Variants in SPTBN1 observed in about 807,000 individuals in gnomAD.
The protein encoded by SPTBN1 is spectrin beta, non-erythrocytic 1.
SPTBN1 carries 32 observed loss-of-function variants against 266.4 expected under a neutral mutation model. The ratio of observed to expected loss-of-function variants is 0.12; its 90% CI spans 0.09 to 0.16. SPTBN1 has a LOEUF of 0.16. Among genes scored for constraint, SPTBN1 ranks in the 10% least tolerant of loss-of-function variants. SPTBN1 has a pLI of 1.00. For missense variants in SPTBN1, 2,296 were observed against 3,067.1 expected (o/e 0.75, Z 5.94); for synonymous variants, 1,336 against 1,162.2 (o/e 1.15, Z -3.04).
At chr2:54,609,526 G>A (rs1677074666) in intron 3 of SPTBN1, among the ~76,000 whole-genome samples, 1 of 152,160 alleles carries the variant, frequency 6.6e-6, no homozygotes, top group Admixed American at 6.5e-5. Context: ...TTTTCCTGAT[G>A]TTCTCTCTGT....
chr2:54,640,091 T>A (rs1679426132), intron 18 of SPTBN1, among the ~76,000 whole-genome samples: 1 of 152,190 alleles, frequency 6.6e-6, no homozygotes, highest in South Asian at 2.1e-4. Context: ...GGTATAGTAC[T>A]ATAATCAAAA....
chr2:54,606,480 A>G (rs551791837), intron 3 of SPTBN1, among the ~76,000 whole-genome samples: 1 of 152,320 alleles, frequency 6.6e-6, no homozygotes, highest in African/African-American at 2.4e-5. Flanking sequence ...AAGAAATGAG[A>G]AGAAAAGGCC....
chr2:54,493,677 C>T (rs765429023), intron 1 of SPTBN1, among the ~76,000 whole-genome samples: 60 of 152,250 alleles, frequency 3.9e-4, no homozygotes, highest in Non-Finnish European at 7.8e-4. Context: ...GTTGGGATTA[C>T]AGGCATGAGC....
intron 2 of SPTBN1, among the ~76,000 whole-genome samples, chr2:54,578,448 T>C (rs1170242687): frequency 6.6e-6 from 1 of 152,164 alleles, no homozygotes; most frequent in Non-Finnish European, 1.5e-5. Context: ...AATCCCTGTT[T>C]CCGGTTAGCT....
At chr2:54,647,713 C>T (rs1322037581) in intron 24 of SPTBN1, among the ~76,000 whole-genome samples, 2 of 152,096 alleles carry the variant, frequency 1.3e-5, no homozygotes, top group South Asian at 2.1e-4. Flanking sequence ...TGGTGGCACA[C>T]GTCTGTACTA....
chr2:54,634,856 G>C (rs1248279272), intron 17 of SPTBN1, among the ~76,000 whole-genome samples: 1 of 152,194 alleles, frequency 6.6e-6, no homozygotes, highest in African/African-American at 2.4e-5. Context: ...GGCCTTCAAA[G>C]TGCCTGTGAG....
chr2:54,632,250 G>C (rs1678795384), intron 16 of SPTBN1, among the ~76,000 whole-genome samples: 2 of 152,124 alleles, frequency 1.3e-5, no homozygotes, highest in South Asian at 4.1e-4. Flanking sequence ...GTCTCAAAGA[G>C]AGAGTATGAA....
At chr2:54,473,455 T>C (rs1346739677) in intron 1 of SPTBN1, among the ~76,000 whole-genome samples, 2 of 152,270 alleles carry the variant, frequency 1.3e-5, no homozygotes, top group East Asian at 3.9e-4. Context: ...TTCTAAAGTA[T>C]CAAAATTCTG....
intron 2 of SPTBN1, among the ~76,000 whole-genome samples, chr2:54,579,854 C>T (rs974350284): frequency 6.6e-6 from 1 of 152,150 alleles, no homozygotes; most frequent in Non-Finnish European, 1.5e-5. Flanking sequence ...AAGCAAATAG[C>T]CCACAGCAGT....
chr2:54,622,135 C>A, intron 8 of SPTBN1, among the ~76,000 whole-genome samples, 165 bp from the exon 9 acceptor site: 1 of 152,124 alleles, frequency 6.6e-6, no homozygotes, highest in East Asian at 1.9e-4. Context: ...GCAGATGGTT[C>A]CTTGAGTTAA....
chr2:54,516,514 C>T (rs1241386772), intron 1 of SPTBN1, among the ~76,000 whole-genome samples: 1 of 152,036 alleles, frequency 6.6e-6, no homozygotes, highest in African/African-American at 2.4e-5. Context: ...ACTCTTGGGG[C>T]CCCAGTTTCC....
At position 54,655,115 on chromosome 2, in the gene SPTBN1, C is replaced by T. The variant is rs911676220; in HGVS notation, c.5868C>T (p.Ile1956=). The change falls in exon 28 of 36, where the codon ATC becomes ATT. Residue 1956 remains isoleucine (I), a synonymous_variant. Coordinates refer to ENST00000356805, the MANE Select transcript of SPTBN1 (RefSeq NM_003128.3). ...VELLMNNHQG[I]KAEIDARNDS... is the part of the protein sequence containing the mutation. ...TCTTAATGAATAATCATCAAGGCAT[C>T]AAAGCTGAAATTGATGCACGTAATG... The T allele has an allele frequency of 6.2e-7, 1 of 1,614,144 alleles. No homozygotes were observed. The highest frequency in any genetic ancestry group is 8.5e-7 in the Non-Finnish European group (1 of 1,180,012).
At position 54,630,840 on chromosome 2, in the gene SPTBN1, C is replaced by T; in HGVS notation, c.2808-15C>T. 6.4e-7 allele frequency: 1 copy of T among 1,558,528 alleles called. No homozygotes were observed. The highest frequency in any genetic ancestry group is 8.7e-7 in the Non-Finnish European group (1 of 1,150,328). On this transcript the variant is annotated splice_polypyrimidine_tract_variant and intron_variant, in intron 15 of 35. Transcript: ENST00000356805. ...TTCCCTTTTTCACACTCGCTGTCTGCCCCTGCACTCACAGGTGGAGCCAGT... is the reference window on the plus strand; with the variant it reads ...TTCCCTTTTTCACACTCGCTGTCTGTCCCTGCACTCACAGGTGGAGCCAGT...
Position 54,653,726 on chromosome 2 carries a change from G to T in SPTBN1, c.5695G>T (p.Ala1899Ser). Residue 1899 changes from alanine (A) to serine (S), a missense_variant, in exon 27 of 36, where the codon GCC becomes TCC. Transcript: ENST00000356805. The surrounding 1 kb of genome is among the most constrained non-coding windows in gnomAD (Gnocchi z 5.1). ...GGAAGCCTGGAAGTCCCTCCTGGAC[G>T]CCTGTGAGAGCCGCAGGGTGCGGCT... ...VLEAWKSLLD[A>S]CESRRVRLVD... 4 of 1,614,182 alleles carry T rather than the reference G, an allele frequency of 2.5e-6. No homozygotes were observed. The highest frequency in any genetic ancestry group is 3.4e-6 in the Non-Finnish European group (4 of 1,180,014).
chr2:54,614,856 A>G (rs920670814), intron 4 of SPTBN1, among the ~76,000 whole-genome samples: 9 of 151,960 alleles, frequency 5.9e-5, no homozygotes, highest in African/African-American at 2.2e-4. Context: ...AAGTTTGCCT[A>G]GTTTAAATAG....
intron 1 of SPTBN1, among the ~76,000 whole-genome samples, chr2:54,503,071 C>T (rs891213684): frequency 6.6e-6 from 1 of 152,208 alleles, no homozygotes; most frequent in African/African-American, 2.4e-5. Context: ...CATTCTTAGC[C>T]TTCAGTTTGG....
intron 1 of SPTBN1, among the ~76,000 whole-genome samples, chr2:54,456,924 G>A (rs1693066686): frequency 7.1e-6 from 1 of 141,588 alleles, no homozygotes; most frequent in Non-Finnish European, 1.6e-5. Context: ...CGCGGAGGTG[G>A]GTGCGGAGCG....
At chr2:54,654,150 G>T (rs558618743) in intron 27 of SPTBN1, among the ~76,000 whole-genome samples, 1 of 152,208 alleles carries the variant, frequency 6.6e-6, no homozygotes, top group Non-Finnish European at 1.5e-5. Flanking sequence ...TGTGCTTGAA[G>T]TAGGACCTTG....
rs1681659385 is a variant in SPTBN1, at chr2:54,670,817, T to C, written c.*2248T>C. On this transcript the variant is annotated 3_prime_UTR_variant, in exon 36 of 36. Transcript: ENST00000356805. ...CTTGGTGCATTTGATAAGGATCCACTGAGGCCTGAATGTGGAAGATGATGG... is the reference window on the plus strand; with the variant it reads ...CTTGGTGCATTTGATAAGGATCCACCGAGGCCTGAATGTGGAAGATGATGG... The C allele has an allele frequency of 5.0e-6, 2 of 398,446 alleles. No homozygotes were observed. Among genetic ancestry groups the C allele is most frequent in the Admixed American group, 4.4e-5 (1 of 22,710 alleles). 24.7% of individuals were successfully genotyped at this position (398,446 alleles called of 1,614,324 possible).
Sources: gnomAD v4.1 joint callset for allele counts (sites outside exome capture counted in the v4.1 genomes callset) on GRCh38, gnomAD v4.1.1 for gene constraint, Gnocchi (gnomAD v3.1) non-coding constraint, MANE v1.5 for transcripts, NCBI Gene and HGNC (gene_info 2026-07-23, HGNC 2026-07-21) for gene names.